The following ATM variants were observed in gnomAD, a reference collection of about 807,000 sequenced individuals.
The protein encoded by ATM is serine-protein kinase ATM.
In ATM, 308 loss-of-function variants were observed where a neutral mutation model predicts 387.0. The ratio of observed to expected loss-of-function variants is 0.80; its 90% CI spans 0.73 to 0.87. The LOEUF is 0.87. Among genes scored for constraint, ATM ranks in the 40% least tolerant of loss-of-function variants. The pLI, the probability that ATM is intolerant of heterozygous loss-of-function variation, is 0.00. For missense variants in ATM, 3,312 were observed against 3,560.9 expected, an observed-to-expected ratio of 0.93 and a Z score of 1.78; for synonymous variants, 1,156 against 1,187.3, an observed-to-expected ratio of 0.97 and a Z score of 0.54.
chr11:108,365,791 A>C lies in ATM; in HGVS notation c.*283A>C, dbSNP rs2091285487. 4.7e-6 allele frequency: 2 copies of C among 422,434 alleles called. No homozygotes were observed. The highest frequency in any genetic ancestry group is 8.7e-6 in the Non-Finnish European group (2 of 229,042). The allele number at this position is 422,434 out of a possible 1,614,324, so 26.2% of individuals were successfully genotyped here. A position where few individuals can be genotyped will look rare whatever the true frequency, so the allele number is the denominator to read the frequency against. ...CACTTTGGGAGGCCGAGGTGAGCGG[A>C]TCACAAGGTCAGGAGTTCGAGACCA... is the stretch of plus-strand genomic sequence containing the variant. On this transcript the variant is annotated 3_prime_UTR_variant, in exon 63 of 63. Transcript: ENST00000675843.
At chr11:108,247,589 T>G (rs2079916624) in intron 8 of ATM, among the ~76,000 whole-genome samples, 2 of 152,098 alleles carry the variant, frequency 1.3e-5, no homozygotes, top group African/African-American at 2.4e-5. Context: ...TCTGGAAACT[T>G]TTTTTATTTT....
Position 108,244,904 on chromosome 11 carries a change from C to T in ATM, c.779C>T (p.Pro260Leu), listed in dbSNP as rs961262202. The T allele has an allele frequency of 1.2e-6, 2 of 1,613,634 alleles. No individual in the cohort carries two copies. Among genetic ancestry groups the T allele is most frequent in the Non-Finnish European group, 8.5e-7 (1 of 1,179,806 alleles). Reference sequence around the variant, plus strand: ...TGTGAATTAGGAGATGAAATTCTTCCCACTTTGCTTTATATTTGGACTCAA... The same window carrying T: ...TGTGAATTAGGAGATGAAATTCTTCTCACTTTGCTTTATATTTGGACTCAA... ...RVCELGDEIL[P>L]TLLYIWTQHR... The change falls in exon 7 of 63, where the codon CCC (proline) becomes CTC (leucine). Residue 260 changes from proline to leucine, a missense_variant. Physicochemically the swap from Pro to Leu is moderately conservative, Grantham distance 98. Transcript: ENST00000675843.
intron 15 of ATM, among the ~76,000 whole-genome samples, chr11:108,258,425 G>A (rs987568067): frequency 6.6e-6 from 1 of 152,136 alleles, no homozygotes; most frequent in South Asian, 2.1e-4. Flanking sequence ...AAACTATGTG[G>A]TATGCGTAGC....
intron 22 of ATM, among the ~76,000 whole-genome samples, chr11:108,276,003 C>T (rs1045793625): frequency 5.9e-5 from 9 of 152,166 alleles, no homozygotes; most frequent in South Asian, 2.1e-4. Context: ...ACCAGACAAA[C>T]GTAGATTTAG....
intron 61 of ATM, among the ~76,000 whole-genome samples, chr11:108,357,201 C>G (rs969711058): frequency 7.2e-5 from 11 of 152,186 alleles, no homozygotes; most frequent in African/African-American, 1.9e-4. Flanking sequence ...CCTGGAAAAT[C>G]GGGTCACTCC....
At position 108,345,785 on chromosome 11, in the gene ATM, A is replaced by G. The variant is rs876660081; in HGVS notation, c.8461A>G (p.Met2821Val). 2 of 1,613,676 alleles carry G rather than the reference A, an allele frequency of 1.2e-6. No individual in the cohort carries two copies. Among genetic ancestry groups the G allele is most frequent in the Non-Finnish European group, 8.5e-7 (1 of 1,179,786 alleles). ...KSFEEKYEVFMDVCQNFQPVF... is the reference protein window; with the variant it reads ...KSFEEKYEVFVDVCQNFQPVF... ...TTTTGAAGAGAAATATGAAGTCTTC[A>G]TGGATGTTTGCCAAAATTTTCAACC... The change falls in exon 58 of 63, where the codon ATG becomes GTG. Residue 2821 changes from methionine (M) to valine (V), a missense_variant. Physicochemically the swap from Met to Val is conservative, Grantham distance 21. Transcript: ENST00000675843.
At chr11:108,285,197 T>A (rs1158568946) in intron 26 of ATM, among the ~76,000 whole-genome samples, 2 of 152,114 alleles carry the variant, frequency 1.3e-5, no homozygotes, top group African/African-American at 4.8e-5. Flanking sequence ...TGACCTCAGG[T>A]GATCTTCCCA....
chr11:108,273,098 C>T (rs1488282021), intron 22 of ATM, among the ~76,000 whole-genome samples: 1 of 152,136 alleles, frequency 6.6e-6, no homozygotes, highest in African/African-American at 2.4e-5. Context: ...TGCCACAGAG[C>T]TAACAAGTGG....
chr11:108,312,626 A>ATT (rs2084274327), intron 40 of ATM, 128 bp downstream of exon 40: 2 of 677,538 alleles, frequency 3.0e-6, no homozygotes, highest in Non-Finnish European at 5.1e-6. Context: ...AGCATCATAT[A>ATT]TATAAAATTA....
Position 108,248,982 on chromosome 11 carries a change from C to T in ATM, c.1115C>T (p.Thr372Ile), listed in dbSNP as rs765912563. 1 of 1,612,346 alleles carries T rather than the reference C, an allele frequency of 6.2e-7. No individual in the cohort carries two copies. The highest frequency in any genetic ancestry group is 8.5e-7 in the Non-Finnish European group (1 of 1,178,660). The change falls in exon 9 of 63, where the codon ACT becomes ATT. Residue 372 changes from threonine (T) to isoleucine (I), a missense_variant. This residue lies in a region of ATM where 1,791 missense variants were observed against 1,804.5 expected (regional missense o/e 0.99). Coordinates refer to ENST00000675843, the MANE Select transcript of ATM (RefSeq NM_000051.4). ...RSLEISQSYT[T>I]TQRESSDYSV... Reference sequence around the variant, plus strand: ...TTGGAGATTTCTCAATCTTACACTACTACACAAAGAGAATCTAGTGATTAC... The same window carrying T: ...TTGGAGATTTCTCAATCTTACACTATTACACAAAGAGAATCTAGTGATTAC...
intron 16 of ATM, among the ~76,000 whole-genome samples, chr11:108,261,997 C>A (rs2080921013): frequency 6.6e-6 from 1 of 152,196 alleles, no homozygotes; most frequent in African/African-American, 2.4e-5. Flanking sequence ...AAGACCAAAT[C>A]TACGTCTGAT....
At chr11:108,260,196 G>A (rs141794005) in intron 16 of ATM, among the ~76,000 whole-genome samples, 41 of 151,964 alleles carry the variant, frequency 2.7e-4, no homozygotes, top group African/African-American at 8.2e-4. Flanking sequence ...CACCACAACC[G>A]GCTAATTTTT....
At position 108,292,728 on chromosome 11, in the gene ATM, C is replaced by T. The variant is rs1389372050; in HGVS notation, c.4546C>T (p.His1516Tyr). 1.9e-6 allele frequency: 3 copies of T among 1,613,718 alleles called. No individual in the cohort carries two copies. Among genetic ancestry groups the T allele is most frequent in the Non-Finnish European group, 2.5e-6 (3 of 1,179,946 alleles). Residue 1516 changes from histidine (H) to tyrosine (Y), a missense_variant, in exon 30 of 63, where the codon CAT becomes TAT. By Grantham distance (83) the His-to-Tyr change is moderately conservative. Transcript: ENST00000675843. Reference protein sequence around the residue: ...VTYCKDALENHLHVIVGTLIP... With the variant: ...VTYCKDALENYLHVIVGTLIP... ...TTACTGTAAGGATGCTCTAGAAAAC[C>T]ATCTTCATGTTATTGTTGGTACACT...
At position 108,326,306 on chromosome 11, in the gene ATM, C is replaced by T. The variant is rs958305548; in HGVS notation, c.6975+81C>T. 19 of 1,506,316 alleles carry T rather than the reference C, an allele frequency of 1.3e-5. No individual in the cohort carries two copies. In the Admixed American group the frequency reaches 1.3e-4, roughly 10 times the overall value. The allele number at this position is 1,506,316 out of a possible 1,614,324, so 93.3% of individuals were successfully genotyped here. A position where few individuals can be genotyped will look rare whatever the true frequency, so the allele number is the denominator to read the frequency against. On this transcript the variant is annotated intron_variant, in intron 47 of 62. Coordinates refer to ENST00000675843, the MANE Select transcript of ATM (RefSeq NM_000051.4). ...ATGTACTTTAAAATATTTTTAATAA[C>T]AATTTTATTAGAGCCTTGAAATTAG...
At chr11:108,361,560 A>G (rs974697006) in intron 61 of ATM, among the ~76,000 whole-genome samples, 75 of 152,188 alleles carry the variant, frequency 4.9e-4, no homozygotes, top group African/African-American at 1.7e-3. Flanking sequence ...CTACAAGGCT[A>G]CAGTAACCAA....
rs587779862 is a variant in ATM at position 108,330,257 on chromosome 11, G to T, written c.7351G>T (p.Ala2451Ser). ...VQRELELDEL[A>S]LRALKEDRKR... ...GCGAGAGCTGGAGTTGGATGAATTA[G>T]CCCTGCGTGCACTGAAAGAGGATCG... The change falls in exon 50 of 63, where the codon GCC becomes TCC. Residue 2451 changes from alanine (A) to serine (S), a missense_variant. Transcript: ENST00000675843. The T allele has an allele frequency of 6.2e-7, 1 of 1,614,184 alleles. No individual in the cohort carries two copies. Among genetic ancestry groups the T allele is most frequent in the African/African-American group, 1.3e-5 (1 of 75,076 alleles).
chr11:108,258,969 G>T lies in ATM; in HGVS notation c.2377-17G>T, dbSNP rs192105604. On this transcript the variant is annotated splice_polypyrimidine_tract_variant and intron_variant, in intron 15 of 62. Coordinates refer to ENST00000675843, the MANE Select transcript of ATM (RefSeq NM_000051.4). ...TTATTTCTTTGTTGCTTGGTTCTTT[G>T]TTTGTCTTAATTGCAGAAGAGTCCA... 6.2e-7 allele frequency: 1 copy of T among 1,600,604 alleles called. No individual in the cohort carries two copies. Among genetic ancestry groups the T allele is most frequent in the East Asian group, 2.2e-5 (1 of 44,730 alleles).
intron 16 of ATM, among the ~76,000 whole-genome samples, chr11:108,266,741 T>C (rs2081270179): frequency 6.6e-6 from 1 of 152,166 alleles, no homozygotes; most frequent in Non-Finnish European, 1.5e-5. Context: ...GAAAAAGTAC[T>C]GTAGTTTTCA....
chr11:108,304,790 C>T lies in ATM; in HGVS notation c.5612C>T (p.Thr1871Ile), dbSNP rs538452060. The T allele has an allele frequency of 1.7e-5, 27 of 1,613,926 alleles. No individual in the cohort carries two copies. Among genetic ancestry groups the T allele is most frequent in the Admixed American group, 5.0e-5 (3 of 60,010 alleles). ...TCTACACATGTTCAGGGATTTTTCA[C>T]CAGCTGTCTTCGACACTTCTCGCAA... ...LLSTHVQGFF[T>I]SCLRHFSQTS... Residue 1871 changes from threonine (T) to isoleucine (I), a missense_variant, in exon 37 of 63, where the codon ACC becomes ATC. Coordinates refer to ENST00000675843, the MANE Select transcript of ATM (RefSeq NM_000051.4).
Sources: allele counts gnomAD v4.1 joint callset (sites outside exome capture counted in the v4.1 genomes callset), GRCh38; gene constraint gnomAD v4.1.1; regional missense constraint gnomAD v4.1.1; transcripts MANE v1.5; gene names NCBI Gene and HGNC (gene_info 2026-07-23, HGNC 2026-07-21).